The following SCD5 variants were observed in gnomAD, a reference collection of about 807,000 sequenced individuals.
The protein encoded by SCD5 is acyl-CoA-desaturase 4.
Under a neutral mutation model 30.4 loss-of-function variants are expected in SCD5, and 20 were observed. The ratio of observed to expected loss-of-function variants is 0.66; its 90% CI spans 0.46 to 0.96. The LOEUF is 0.96. Ranked by LOEUF, SCD5 falls within the 40% of genes least tolerant of loss-of-function variation. SCD5 has a pLI of 0.00. For missense variants in SCD5, 381 were observed against 443.3 expected (o/e 0.86, Z 1.26); for synonymous variants, 173 against 176.4 (o/e 0.98, Z 0.16).
intron 1 of SCD5, among the ~76,000 whole-genome samples, chr4:82,766,673 G>A (rs916068441): frequency 2.6e-5 from 4 of 152,112 alleles, no homozygotes; most frequent in Non-Finnish European, 5.9e-5. Flanking sequence ...TGTGAATTTT[G>A]CATGGTTGAG....
At chr4:82,660,671 T>A (rs993274090) in intron 3 of SCD5, 19 of 1,409,224 alleles carry the variant, frequency 1.3e-5, no homozygotes, top group Non-Finnish European at 1.7e-5. Context: ...AAAACTGAAA[T>A]CTTTTTGATT....
chr4:82,781,384 C>G (rs918875089), intron 1 of SCD5, among the ~76,000 whole-genome samples: 7 of 151,194 alleles, frequency 4.6e-5, no homozygotes, highest in African/African-American at 1.7e-4. Context: ...CCACTGCACT[C>G]TAGCCTGGCT....
chr4:82,664,292 A>G lies in SCD5; in HGVS notation c.569+16415T>C, dbSNP rs1490138258. 2.6e-5 allele frequency among the ~76,000 whole-genome samples: 4 copies of G among 152,146 alleles called. 1 individual carries two copies. The East Asian group carries it at 5.8e-4, about 22-fold the overall frequency. On this transcript the variant is annotated intron_variant, in intron 3 of 4. Coordinates refer to ENST00000319540, the MANE Select transcript of SCD5 (RefSeq NM_001037582.3). ...GCTCAACTTCTGATTAATTGACCCA[A>G]CCCCAACCTCTTCCACCCACACATA...
intron 1 of SCD5, among the ~76,000 whole-genome samples, chr4:82,786,304 T>C (rs1721986462): frequency 6.6e-6 from 1 of 152,014 alleles, no homozygotes; most frequent in South Asian, 2.1e-4. Context: ...CCAATTTAGG[T>C]CATAGGCTGC....
rs187584341 is a variant in SCD5, at chr4:82,782,051, T to C, written c.232+16255A>G. ...GAGCCTGGCTGTCTTTCCGCCCATT[T>C]GTCAGTGGCTCAGAAACACTTACAA... is the stretch of plus-strand genomic sequence containing the variant. On this transcript the variant is annotated intron_variant, in intron 1 of 4. Transcript: ENST00000319540. 1.3e-4 allele frequency among the ~76,000 whole-genome samples: 19 copies of C among 151,568 alleles called. No individual in the cohort carries two copies. The East Asian group carries it at 3.5e-3, about 28-fold the overall frequency.
At chr4:82,796,392 A>C (rs1722221573) in intron 1 of SCD5, among the ~76,000 whole-genome samples, 1 of 152,128 alleles carries the variant, frequency 6.6e-6, no homozygotes, top group African/African-American at 2.4e-5. Flanking sequence ...CAGTGTGTTA[A>C]CTTCTCTAAG....
rs148130353 is a variant in SCD5, at chr4:82,715,569, C to T, written c.233-10156G>A. Among the ~76,000 whole-genome samples, 149 of 151,778 alleles carry T rather than the reference C, an allele frequency of 9.8e-4. 1 individual carries two copies. The highest frequency in any genetic ancestry group is 6.8e-3 in the Middle Eastern group (2 of 294). ...AAGGGTGTCCCAAACACCATTCTGG[C>T]GCCAGGCTACCTGTATCATAATTTT... On this transcript the variant is annotated intron_variant, in intron 1 of 4. Coordinates refer to ENST00000319540, the MANE Select transcript of SCD5 (RefSeq NM_001037582.3).
At chr4:82,775,166 GGC>G in intron 1 of SCD5, among the ~76,000 whole-genome samples, 1 of 152,302 alleles carries the variant, frequency 6.6e-6, no homozygotes, top group African/African-American at 2.4e-5. Context: ...GGAAAGAGGT[GGC>G]AAGCATTGGT....
chr4:82,787,806 A>T (rs993446761), intron 1 of SCD5, among the ~76,000 whole-genome samples: 8 of 152,308 alleles, frequency 5.3e-5, no homozygotes, highest in African/African-American at 1.7e-4. Context: ...AAGTGGAAGG[A>T]TCATTTGAGG....
At chr4:82,691,151 G>A (rs944897632) in intron 2 of SCD5, among the ~76,000 whole-genome samples, 2 of 152,054 alleles carry the variant, frequency 1.3e-5, no homozygotes, top group African/African-American at 2.4e-5. Context: ...TCAGCCTCCC[G>A]AGTAGCTGGG....
At chr4:82,777,340 A>G (rs1357779074) in intron 1 of SCD5, among the ~76,000 whole-genome samples, 2 of 152,240 alleles carry the variant, frequency 1.3e-5, no homozygotes, top group Non-Finnish European at 2.9e-5. Context: ...AATTGAGCAA[A>G]GTATCTTTCA....
chr4:82,798,308 C>T lies in SCD5; in HGVS notation c.230G>A (p.Trp77Ter). Residue 77 changes from tryptophan to a stop codon, truncating the protein, a stop_gained and splice_region_variant, in exon 1 of 5, where the codon TGG becomes TAG. Coordinates refer to ENST00000319540, the MANE Select transcript of SCD5 (RefSeq NM_001037582.3). LOFTEE classifies it high-confidence loss of function. ...CAGGGGGCGCCGGCGGGACTTACCC[C>T]AGAGCAGAGTGAGTGGCTTGGCTTT... ...IPKAKPLTLL[W>*]AYFCFLLAAL... 1 of 1,607,798 alleles carries T rather than the reference C, an allele frequency of 6.2e-7. No individual in the cohort carries two copies. The highest frequency in any genetic ancestry group is 1.1e-5 in the South Asian group (1 of 89,846).
chr4:82,761,584 T>A lies in SCD5; in HGVS notation c.232+36722A>T, dbSNP rs141187673. Among the ~76,000 whole-genome samples the A allele has an allele frequency of 5.4e-3, 826 of 152,270 alleles. 1 individual carries two copies. Among genetic ancestry groups the A allele is most frequent in the African/African-American group, 0.012 (519 of 41,544 alleles). ...TTCTCCCAGCCTCGTTTCTTTTTTT[T>A]TTATTATTATTATACTTTAAGTTTT... On this transcript the variant is annotated intron_variant, in intron 1 of 4. Coordinates refer to ENST00000319540, the MANE Select transcript of SCD5 (RefSeq NM_001037582.3).
chr4:82,705,142 A>G (rs1719940999), intron 2 of SCD5, 141 bp downstream of exon 2: 12 of 1,062,710 alleles, frequency 1.1e-5, no homozygotes, highest in Admixed American at 2.5e-5. Flanking sequence ...AGAGATAAAA[A>G]CTTGGGACAG....
intron 1 of SCD5, among the ~76,000 whole-genome samples, chr4:82,718,409 C>G (rs1720278818): frequency 1.3e-5 from 2 of 151,772 alleles, no homozygotes; most frequent in African/African-American, 4.9e-5. Flanking sequence ...TCATCCTCCT[C>G]TCGTCCTTTT....
intron 1 of SCD5, among the ~76,000 whole-genome samples, chr4:82,723,574 G>A (rs534376547): frequency 1.3e-5 from 2 of 152,270 alleles, no homozygotes; most frequent in South Asian, 2.1e-4. Context: ...TTTGATAAGC[G>A]TGATAAAGCT....
chr4:82,780,647 T>C lies in SCD5; in HGVS notation c.232+17659A>G, dbSNP rs1351932172. ...GGAGAACTTCTTTTGCTCCTTAAAA[T>C]ACTTCATCTGTCTCATAAGCCCAAT... On this transcript the variant is annotated intron_variant, in intron 1 of 4. Coordinates refer to ENST00000319540, the MANE Select transcript of SCD5 (RefSeq NM_001037582.3). Among the ~76,000 whole-genome samples the C allele has an allele frequency of 2.6e-5, 4 of 152,386 alleles. No homozygotes were observed. In the East Asian group the frequency reaches 7.7e-4, roughly 29 times the overall value.
At position 82,631,126 on chromosome 4, in the gene SCD5, A is replaced by G. The variant is rs952294937; in HGVS notation, c.*201T>C. ...ACTCTGTCTCAAAAACAAAACAAAC[A>G]AAAAAAAAAACGAAAGTTTTTTCAT... On this transcript the variant is annotated 3_prime_UTR_variant, in exon 5 of 5. Coordinates refer to ENST00000319540, the MANE Select transcript of SCD5 (RefSeq NM_001037582.3). The G allele has an allele frequency of 3.0e-5, 9 of 302,762 alleles. No individual in the cohort carries two copies. The highest frequency in any genetic ancestry group is 2.5e-4 in the African/African-American group (7 of 27,718). The allele number at this position is 302,762 out of a possible 1,614,324, so 18.8% of individuals were successfully genotyped here.
At position 82,768,171 on chromosome 4, in the gene SCD5, C is replaced by T. The variant is rs528345284; in HGVS notation, c.232+30135G>A. ...ATTACAATTTAGTAATCAAAGCAAT[C>T]CCATAAAATAAATACCACAATTATC... is the stretch of plus-strand genomic sequence containing the variant. On this transcript the variant is annotated intron_variant, in intron 1 of 4. Transcript: ENST00000319540. Among the ~76,000 whole-genome samples, 6 of 152,244 alleles carry T rather than the reference C, an allele frequency of 3.9e-5. 1 individual carries two copies. In the South Asian group the frequency reaches 1.0e-3, roughly 26 times the overall value.
Sources: gnomAD v4.1 joint callset for allele counts (sites outside exome capture counted in the v4.1 genomes callset) on GRCh38, gnomAD v4.1.1 for gene constraint, MANE v1.5 for transcripts, NCBI Gene and HGNC (gene_info 2026-07-23, HGNC 2026-07-21) for gene names.